The following MTMR7 variants were observed in gnomAD, a reference collection of about 807,000 sequenced individuals.
MTMR7 encodes myotubularin related protein 7.
In MTMR7, 76 loss-of-function variants were observed where a neutral mutation model predicts 81.2. The ratio of observed to expected loss-of-function variants is 0.94; its 90% CI spans 0.78 to 1.13. MTMR7 has a LOEUF of 1.13. Among genes scored for constraint, MTMR7 ranks in the 50% most tolerant of loss-of-function variants. The pLI is 0.00. For synonymous variants in MTMR7, 372 were observed against 289.8 expected (o/e 1.28, Z -2.88); for missense variants, 1,044 against 820.0 (o/e 1.27, Z -3.34).
chr8:17,406,385 A>C (rs992097181), intron 1 of MTMR7, among the ~76,000 whole-genome samples: 1 of 152,230 alleles, frequency 6.6e-6, no homozygotes, highest in Admixed American at 6.5e-5. Flanking sequence ...AAGCACACGA[A>C]AACATGCTCA....
chr8:17,314,356 C>T (rs1310056640), intron 7 of MTMR7, among the ~76,000 whole-genome samples: 2 of 152,206 alleles, frequency 1.3e-5, no homozygotes, highest in East Asian at 3.9e-4. Context: ...ACCCCCAACT[C>T]CATGGGCAAT....
At chr8:17,355,344 T>C (rs1230995676) in intron 4 of MTMR7, among the ~76,000 whole-genome samples, 1 of 152,148 alleles carries the variant, frequency 6.6e-6, no homozygotes, top group East Asian at 1.9e-4. Flanking sequence ...AACTTTATGG[T>C]TGTTAAATTT....
chr8:17,301,984 T>A (rs1397338791), intron 13 of MTMR7, 170 bp downstream of exon 13: 1 of 793,044 alleles, frequency 1.3e-6, no homozygotes, highest in Non-Finnish European at 1.9e-6. Flanking sequence ...ATGCCTAGGT[T>A]TGGGCTTCGG....
rs569837563 is a variant in MTMR7, at chr8:17,400,413, T to A, written c.24+12856A>T. ...CCAGGCATTGTGGCCCCAGAGTGTG[T>A]GTTCTTAACAACTCTACCATTTTGC... On this transcript the variant is annotated intron_variant, in intron 1 of 13. Transcript: ENST00000180173. Among the ~76,000 whole-genome samples, 12 of 152,288 alleles carry A rather than the reference T, an allele frequency of 7.9e-5. No homozygotes were observed. The South Asian group carries it at 2.5e-3, about 32-fold the overall frequency.
intron 5 of MTMR7, among the ~76,000 whole-genome samples, chr8:17,345,473 C>T (rs1369136774): frequency 2.6e-5 from 4 of 152,246 alleles, no homozygotes; most frequent in African/African-American, 7.2e-5. Flanking sequence ...TGTGCCCCTT[C>T]ATGGGCTGTG....
At chr8:17,373,015 C>T in intron 2 of MTMR7, 103 bp downstream of exon 2, 2 of 1,422,504 alleles carry the variant, frequency 1.4e-6, no homozygotes, top group Non-Finnish European at 1.9e-6. Flanking sequence ...CATCCAGGCA[C>T]AAAAGCCCAC....
chr8:17,378,605 G>C (rs952117519), intron 1 of MTMR7, among the ~76,000 whole-genome samples: 6 of 152,216 alleles, frequency 3.9e-5, no homozygotes, highest in African/African-American at 1.4e-4. Context: ...CAACTCATTT[G>C]CCTGCTCCCA....
At chr8:17,364,280 G>T (rs536430355) in intron 3 of MTMR7, among the ~76,000 whole-genome samples, 1 of 151,964 alleles carries the variant, frequency 6.6e-6, no homozygotes, top group South Asian at 2.1e-4. Context: ...TGATCTGCCC[G>T]CCTCGGCTTC....
chr8:17,370,090 A>G (rs991537098), intron 3 of MTMR7, among the ~76,000 whole-genome samples: 62 of 152,044 alleles, frequency 4.1e-4, no homozygotes, highest in Middle Eastern at 3.4e-3. Context: ...TGGCAAGAAC[A>G]TATTTTTCAA....
intron 1 of MTMR7, among the ~76,000 whole-genome samples, chr8:17,400,775 G>C (rs961077566): frequency 6.6e-6 from 1 of 152,128 alleles, no homozygotes; most frequent in Non-Finnish European, 1.5e-5. Context: ...AGATAAGTTT[G>C]CTGGAATGAA....
chr8:17,313,034 C>A (rs957006988), intron 8 of MTMR7, among the ~76,000 whole-genome samples: 6 of 152,172 alleles, frequency 3.9e-5, no homozygotes, highest in Admixed American at 6.5e-5. Flanking sequence ...TTCCTCCATC[C>A]AGGATTAAGC....
At chr8:17,397,064 G>A (rs1821275001) in intron 1 of MTMR7, among the ~76,000 whole-genome samples, 1 of 151,990 alleles carries the variant, frequency 6.6e-6, no homozygotes, top group Admixed American at 6.5e-5. Flanking sequence ...TGAATAATGA[G>A]CAGTGATACC....
chr8:17,318,822 C>G (rs1030458213), intron 7 of MTMR7, among the ~76,000 whole-genome samples: 6 of 152,184 alleles, frequency 3.9e-5, no homozygotes, highest in African/African-American at 1.4e-4. Flanking sequence ...GGAGAAGCAG[C>G]CTCCACAGGC....
At chr8:17,390,938 G>A (rs1821088379) in intron 1 of MTMR7, among the ~76,000 whole-genome samples, 1 of 152,218 alleles carries the variant, frequency 6.6e-6, no homozygotes, top group Non-Finnish European at 1.5e-5. Flanking sequence ...GATTTGGGTG[G>A]GGGCACAGAG....
intron 1 of MTMR7, among the ~76,000 whole-genome samples, chr8:17,377,967 G>A (rs1027585481): frequency 2.0e-5 from 3 of 152,138 alleles, no homozygotes; most frequent in African/African-American, 4.8e-5. Context: ...ATAATACTTT[G>A]AGGCAAAAAT....
intron 4 of MTMR7, among the ~76,000 whole-genome samples, chr8:17,352,253 T>G (rs1819750558): frequency 6.6e-6 from 1 of 152,184 alleles, no homozygotes; most frequent in Middle Eastern, 3.4e-3. Context: ...GACAGACAAA[T>G]AGGCCAATGG....
intron 7 of MTMR7, among the ~76,000 whole-genome samples, chr8:17,329,152 C>T (rs369046788): frequency 6.6e-6 from 1 of 152,038 alleles, no homozygotes; most frequent in East Asian, 1.9e-4. Context: ...CATTCCTCTG[C>T]CTACCAAGTG....
chr8:17,405,472 CT>C, intron 1 of MTMR7, among the ~76,000 whole-genome samples: 1 of 152,134 alleles, frequency 6.6e-6, no homozygotes, highest in Non-Finnish European at 1.5e-5. Context: ...AGATGAGGAA[CT>C]TTAGAGACTC....
intron 13 of MTMR7, 110 bp downstream of exon 13, chr8:17,302,044 C>T: frequency 6.9e-7 from 1 of 1,446,848 alleles, no homozygotes; most frequent in East Asian, 2.3e-5. Context: ...GTTCTACTGA[C>T]TAAAAATGTG....
Sources: allele counts gnomAD v4.1 joint callset (sites outside exome capture counted in the v4.1 genomes callset), GRCh38; gene constraint gnomAD v4.1.1; transcripts MANE v1.5; gene names NCBI Gene and HGNC (gene_info 2026-07-23, HGNC 2026-07-21).